C8orf74: variants seen among roughly 807,000 people sequenced by gnomAD.
The protein encoded by C8orf74 is chromosome 8 open reading frame 74.
A neutral mutation model predicts 22.2 loss-of-function variants in C8orf74; 29 were observed. The observed-to-expected ratio is 1.31, with a 90% CI of 0.97 to 1.78. The LOEUF (loss-of-function observed/expected upper bound fraction) is 1.78. Among genes scored for constraint, C8orf74 ranks in the 40% most tolerant of loss-of-function variants. The probability of loss-of-function intolerance (pLI) is 0.00; values close to 1 mark genes in which losing one functional copy is unlikely to be tolerated. For synonymous variants in C8orf74, 255 were observed against 163.1 expected, an observed-to-expected ratio of 1.56 and a Z score of -4.30; for missense variants, 515 against 369.9, an observed-to-expected ratio of 1.39 and a Z score of -3.22.
intron 2 of C8orf74, among the ~76,000 whole-genome samples, chr8:10,679,699 C>T (rs1002468108): frequency 2.0e-5 from 3 of 152,340 alleles, no homozygotes; most frequent in Admixed American, 2.0e-4. Flanking sequence ...GCCTGGCTGC[C>T]TCCCACCTGC....
At chr8:10,677,837 T>G (rs1013354426) in intron 2 of C8orf74, among the ~76,000 whole-genome samples, 1 of 152,186 alleles carries the variant, frequency 6.6e-6, no homozygotes, top group Non-Finnish European at 1.5e-5. Context: ...GTACACAGAT[T>G]GGCATCAGGC....
At chr8:10,684,788 A>C (rs1799226007) in intron 2 of C8orf74, among the ~76,000 whole-genome samples, 1 of 152,206 alleles carries the variant, frequency 6.6e-6, no homozygotes, top group Non-Finnish European at 1.5e-5. Context: ...TCACCTTTTC[A>C]CTGAAAGGAA....
chr8:10,687,203 A>G (rs1254275341), intron 2 of C8orf74: 1 of 437,842 alleles, frequency 2.3e-6, no homozygotes, highest in East Asian at 7.1e-5. Flanking sequence ...GGCACTGTGG[A>G]AAGCACCACA....
chr8:10,690,941 C>G (rs1799367848), intron 2 of C8orf74: 1 of 456,094 alleles, frequency 2.2e-6, no homozygotes, highest in Non-Finnish European at 4.4e-6. Context: ...AGGGCCACTC[C>G]CTGTTATTGA....
intron 2 of C8orf74, among the ~76,000 whole-genome samples, chr8:10,683,011 G>A (rs1009649690): frequency 1.3e-5 from 2 of 152,244 alleles, no homozygotes; most frequent in Admixed American, 1.3e-4. Context: ...TTTGAACCCA[G>A]GTCAGCATCC....
chr8:10,689,774 A>G (rs1288588023), intron 2 of C8orf74: 1 of 152,264 alleles, frequency 6.6e-6, no homozygotes, highest in Non-Finnish European at 1.5e-5. Context: ...TAAGAAAAAC[A>G]TAAGGAAGAG....
intron 2 of C8orf74, among the ~76,000 whole-genome samples, chr8:10,695,872 G>A (rs532627367): frequency 2.0e-5 from 3 of 152,216 alleles, no homozygotes; most frequent in African/African-American, 7.2e-5. Context: ...TTTCATTGTC[G>A]GCAGAAGGAA....
At chr8:10,682,065 C>T (rs1799163054) in intron 2 of C8orf74, among the ~76,000 whole-genome samples, 1 of 152,214 alleles carries the variant, frequency 6.6e-6, no homozygotes, top group Admixed American at 6.5e-5. Context: ...CCTGAAGTAC[C>T]CCGCCCTCAC....
chr8:10,676,086 G>C (rs936331030), intron 2 of C8orf74, among the ~76,000 whole-genome samples: 21 of 151,934 alleles, frequency 1.4e-4, no homozygotes, highest in African/African-American at 5.1e-4. Flanking sequence ...TGTAGGGTGG[G>C]GCACTTCTTT....
At chr8:10,681,806 G>C (rs781140131) in intron 2 of C8orf74, among the ~76,000 whole-genome samples, 1 of 152,172 alleles carries the variant, frequency 6.6e-6, no homozygotes, top group Non-Finnish European at 1.5e-5. Context: ...CGGGACTTGT[G>C]ACCGGTCAGT....
intron 3 of C8orf74, 81 bp from the exon 4 acceptor site, chr8:10,700,154 A>T: frequency 1.1e-6 from 1 of 892,324 alleles, no homozygotes; most frequent in Non-Finnish European, 1.7e-6. Context: ...ACATTCTCGT[A>T]CCTGCAACAG....
chr8:10,687,475 C>T (rs1191697615), intron 2 of C8orf74, among the ~76,000 whole-genome samples: 1 of 151,726 alleles, frequency 6.6e-6, no homozygotes, highest in East Asian at 1.9e-4. Flanking sequence ...CATGGCAAAA[C>T]CCCCATCTCT....
chr8:10,683,215 G>T (rs975902506), intron 2 of C8orf74, among the ~76,000 whole-genome samples: 2 of 152,226 alleles, frequency 1.3e-5, no homozygotes, highest in African/African-American at 4.8e-5. Flanking sequence ...ACCCAGAGCT[G>T]CTCACAGGAG....
At chr8:10,690,310 G>A (rs1279448816) in intron 2 of C8orf74, among the ~76,000 whole-genome samples, 9 of 152,156 alleles carry the variant, frequency 5.9e-5, no homozygotes, top group African/African-American at 1.9e-4. Flanking sequence ...AAGGCGGTGG[G>A]TGCTCCCTAA....
Position 10,697,789 on chromosome 8 carries a change from G to A in C8orf74, c.432G>A (p.Val144=), listed in dbSNP as rs1425351571. Residue 144 remains valine (V), a synonymous_variant, in exon 3 of 4, where the codon GTG becomes GTA. Coordinates refer to ENST00000304519, the MANE Select transcript of C8orf74 (RefSeq NM_001040032.2). ...QVDLTVAHLE[V]CMPPHPLPLA... is the part of the protein sequence containing the mutation. ...ACCTGACCGTTGCCCACCTGGAGGT[G>A]TGCATGCCACCCCATCCCCTCCCGC... 1 of 1,613,910 alleles carries A rather than the reference G, an allele frequency of 6.2e-7. No homozygotes were observed. The highest frequency in any genetic ancestry group is 1.3e-5 in the African/African-American group (1 of 74,944).
At chr8:10,672,834 C>T (rs1168916048) in intron 1 of C8orf74, 121 bp downstream of exon 1, 11 of 814,110 alleles carry the variant, frequency 1.4e-5, no homozygotes, top group Non-Finnish European at 2.0e-5. Flanking sequence ...CTCAGCACAG[C>T]ACCTCTGAGG....
intron 2 of C8orf74, chr8:10,687,410 G>A (rs1017790271): frequency 4.1e-6 from 1 of 241,446 alleles, no homozygotes; most frequent in African/African-American, 2.3e-5. Context: ...GGCAGTTTGG[G>A]AGGCCAAGGC....
intron 2 of C8orf74, among the ~76,000 whole-genome samples, chr8:10,680,706 G>A (rs1799130354): frequency 6.6e-6 from 1 of 152,246 alleles, no homozygotes; most frequent in Admixed American, 6.5e-5. Flanking sequence ...GCACACAAGG[G>A]TGCCAGCCTT....
At chr8:10,694,703 A>T (rs150350951) in intron 2 of C8orf74, among the ~76,000 whole-genome samples, 1 of 152,160 alleles carries the variant, frequency 6.6e-6, no homozygotes, top group South Asian at 2.1e-4. Flanking sequence ...TTTCAGCTTA[A>T]TTTTTTTCTT....
Sources: allele counts gnomAD v4.1 joint callset (sites outside exome capture counted in the v4.1 genomes callset), GRCh38; gene constraint gnomAD v4.1.1; transcripts MANE v1.5; gene names NCBI Gene and HGNC (gene_info 2026-07-23, HGNC 2026-07-21).